The following ARL10 variants were observed in gnomAD, a reference collection of about 807,000 sequenced individuals.
ARL10 encodes the protein ARF like GTPase 10.
Under a neutral mutation model 26.1 loss-of-function variants are expected in ARL10, and 23 were observed. The observed-to-expected ratio is 0.88, with a 90% CI of 0.63 to 1.25. The LOEUF (loss-of-function observed/expected upper bound fraction) is 1.25. Among genes scored for constraint, ARL10 ranks in the 50% most tolerant of loss-of-function variants. The pLI, the probability that ARL10 is intolerant of heterozygous loss-of-function variation, is 0.00. For synonymous variants in ARL10, 138 were observed against 149.1 expected, an observed-to-expected ratio of 0.93 and a Z score of 0.54; for missense variants, 300 against 323.6, an observed-to-expected ratio of 0.93 and a Z score of 0.56.
downstream of ARL10, among the ~76,000 whole-genome samples, chr5:176,403,238 C>A (rs769044277): frequency 6.6e-6 from 1 of 151,740 alleles, no homozygotes; most frequent in Non-Finnish European, 1.5e-5. Context: ...TTAGTAGAGA[C>A]GGGGTTTTGC....
intron 1 of ARL10, among the ~76,000 whole-genome samples, chr5:176,387,719 T>C (rs1160849039): frequency 6.6e-6 from 1 of 152,170 alleles, no homozygotes; most frequent in African/African-American, 2.4e-5. Context: ...CTGGCCAACA[T>C]AGCGAAACCC....
rs369903036 is a variant in ARL10 at position 176,388,260 on chromosome 5, C to T, written c.37-35C>T. 1.9e-6 allele frequency: 3 copies of T among 1,613,618 alleles called. No individual in the cohort carries two copies. Among genetic ancestry groups the T allele is most frequent in the Non-Finnish European group, 2.5e-6 (3 of 1,179,622 alleles). On this transcript the variant is annotated intron_variant, in intron 1 of 1. Coordinates refer to the ARL10 transcript ENST00000503175. The stretch of plus-strand genomic sequence containing the variant: ...CTTTCTCTTACGGAGGGGCACCGCC[C>T]TGTTGGGGTCCACAGCCAACCCCAT...
chr5:176,408,576 A>G, the ARL10 span, among the ~76,000 whole-genome samples: 1 of 151,380 alleles, frequency 6.6e-6, no homozygotes, highest in Non-Finnish European at 1.5e-5. Flanking sequence ...GGCTAAGTGT[A>G]GTAGTGTAAT....
At chr5:176,388,846 G>A (rs1215917179), downstream of ARL10, 1 of 1,614,080 alleles carries the variant, frequency 6.2e-7, no homozygotes, top group African/African-American at 1.3e-5. Flanking sequence ...CTGTGATTCC[G>A]GAGGTCCCCT....
chr5:176,400,882 C>G (rs80335911), intron 1 of ARL10, among the ~76,000 whole-genome samples: 2 of 152,176 alleles, frequency 1.3e-5, no homozygotes, highest in Non-Finnish European at 2.9e-5. Context: ...AGCAGGCACC[C>G]GGTTCAAGGA....
intron 1 of ARL10, chr5:176,401,684 T>C (rs1338409566): frequency 8.8e-6 from 4 of 455,656 alleles, no homozygotes; most frequent in Non-Finnish European, 1.3e-5. Flanking sequence ...CTCGCTCGCC[T>C]TGTGTTGCAC....
At chr5:176,370,049 A>T (rs181967603) in intron 3 of ARL10, among the ~76,000 whole-genome samples, 152 of 152,198 alleles carry the variant, frequency 1.0e-3, no homozygotes, top group African/African-American at 3.4e-3. Flanking sequence ...TTCTGGCTCT[A>T]GATCAGAGAG....
At chr5:176,366,323 T>C (rs1437111568) in intron 1 of ARL10, 57 bp from the exon 2 acceptor site, 18 of 1,538,690 alleles carry the variant, frequency 1.2e-5, no homozygotes, top group Non-Finnish European at 1.6e-5. Flanking sequence ...CGGTCTTCCC[T>C]CGGGAAAGGT....
chr5:176,396,662 A>T, intron 1 of ARL10: 1 of 748,970 alleles, frequency 1.3e-6, no homozygotes, highest in South Asian at 1.5e-5. Flanking sequence ...GTTAGGAAGC[A>T]TAGTTCTGGA....
chr5:176,389,190 A>C (rs997134503), downstream of ARL10: 2 of 1,116,782 alleles, frequency 1.8e-6, no homozygotes, highest in Non-Finnish European at 2.6e-6. Flanking sequence ...TGTAACTAGG[A>C]AGACCTCGAC....
At chr5:176,398,896 G>A (rs1306517966) in intron 1 of ARL10, among the ~76,000 whole-genome samples, 1 of 151,632 alleles carries the variant, frequency 6.6e-6, no homozygotes, top group Non-Finnish European at 1.5e-5. Flanking sequence ...AGGCTGGAGT[G>A]CAATGGTGCA....
At chr5:176,367,567 C>T (rs1474919021) in intron 2 of ARL10, among the ~76,000 whole-genome samples, 1 of 152,214 alleles carries the variant, frequency 6.6e-6, no homozygotes, top group African/African-American at 2.4e-5. Flanking sequence ...GGTCTTTGGC[C>T]CCATGTGGCC....
the ARL10 span, among the ~76,000 whole-genome samples, chr5:176,408,811 T>G: frequency 6.6e-6 from 1 of 152,350 alleles, no homozygotes; most frequent in East Asian, 1.9e-4. Flanking sequence ...TAAGCCGCCG[T>G]GCCCGGCTGG....
downstream of ARL10, among the ~76,000 whole-genome samples, chr5:176,393,215 G>A (rs1279460100): frequency 6.6e-6 from 1 of 152,154 alleles, no homozygotes; most frequent in Non-Finnish European, 1.5e-5. The surrounding 1 kb of genome is among the most constrained non-coding windows in gnomAD (Gnocchi z 4.4). Flanking sequence ...AGGTCTCAGT[G>A]CGGGCCTCAC....
At chr5:176,384,262 G>T (rs764031980), downstream of ARL10, 9 of 1,614,224 alleles carry the variant, frequency 5.6e-6, no homozygotes, top group East Asian at 1.8e-4. Context: ...CTTCTGCAAA[G>T]AATCGAGGAA....
rs1768612782 is a variant in ARL10 at position 176,373,620 on chromosome 5, T to G, written c.*1725T>G. The G allele has an allele frequency of 6.6e-6, 1 of 152,240 alleles. No homozygotes were observed. The highest frequency in any genetic ancestry group is 2.4e-5 in the African/African-American group (1 of 41,464). 9.4% of individuals were successfully genotyped at this position (152,240 alleles called of 1,614,324 possible). ...AAATTCTGAAGTCCAGAAGCGAGTG[T>G]GATCTTTGGAATAGTGGCTGCTGTG... On this transcript the variant is annotated 3_prime_UTR_variant, in exon 4 of 4. Transcript: ENST00000310389.
In ARL10 at chr5:176,375,338, T is replaced by TCCATCCAC. The variant is rs1561776199; in HGVS notation, c.*3446_*3447insTCCACCCA. The TCCATCCAC allele has an allele frequency of 2.7e-4, 14 of 52,418 alleles. No homozygotes were observed. Among genetic ancestry groups the TCCATCCAC allele is most frequent in the Non-Finnish European group, 3.5e-4 (7 of 19,976 alleles). 3.2% of individuals were successfully genotyped at this position (52,418 alleles called of 1,614,324 possible). A position where few individuals can be genotyped will look rare whatever the true frequency, so the allele number is the denominator to read the frequency against. ...CATCCATCCATCCATCCATCCATCATCCACCCATCCATCCATCCATCCATC... is the reference window on the plus strand; with the variant it reads ...CATCCATCCATCCATCCATCCATCATCCATCCACCCACCCATCCATCCATCCATCCATC... On this transcript the variant is annotated 3_prime_UTR_variant, in exon 4 of 4. Transcript: ENST00000310389.
chr5:176,368,927 A>G lies in ARL10; in HGVS notation c.506A>G (p.His169Arg), dbSNP rs1332201093. 6.2e-7 allele frequency: 1 copy of G among 1,614,036 alleles called. No individual in the cohort carries two copies. The highest frequency in any genetic ancestry group is 1.7e-5 in the Admixed American group (1 of 60,020). The change falls in exon 3 of 4, where the codon CAC becomes CGC. Residue 169 changes from histidine to arginine, a missense_variant. His to Arg is a conservative substitution (Grantham distance 29). Coordinates refer to ENST00000310389, the MANE Select transcript of ARL10 (RefSeq NM_173664.6). The surrounding 1 kb of genome is among the most constrained non-coding windows in gnomAD (Gnocchi z 4.1). The stretch of plus-strand genomic sequence containing the variant: ...CTGCCCTGGGCCCGACAGGAGCTGC[A>G]CAAGCTGCTGGACAAGGACCCTGAC... ...LRLPWARQEL[H>R]KLLDKDPDLP...
chr5:176,413,792 C>A, the ARL10 span, among the ~76,000 whole-genome samples: 3 of 152,226 alleles, frequency 2.0e-5, no homozygotes, highest in East Asian at 5.8e-4. Context: ...ATCCACTGAG[C>A]CGCCATCCCT....
Sources: gnomAD v4.1 joint callset for allele counts (sites outside exome capture counted in the v4.1 genomes callset) on GRCh38, gnomAD v4.1.1 for gene constraint, Gnocchi (gnomAD v3.1) non-coding constraint, MANE v1.5 for transcripts, NCBI Gene and HGNC (gene_info 2026-07-23, HGNC 2026-07-21) for gene names.